The following CCSER1 variants were observed in gnomAD, a reference collection of about 807,000 sequenced individuals.
The protein encoded by CCSER1 is coiled-coil serine rich protein 1.
Under a neutral mutation model 82.0 loss-of-function variants are expected in CCSER1, and 41 were observed. That is an observed-to-expected ratio of 0.50 (90% CI 0.39 to 0.65). The LOEUF (loss-of-function observed/expected upper bound fraction) is 0.65. CCSER1 is among the 30% of genes least tolerant of loss of function. CCSER1 has a pLI of 0.00. For missense variants in CCSER1, 1,119 were observed against 1,064.2 expected (o/e 1.05, Z -0.72); for synonymous variants, 414 against 383.9 (o/e 1.08, Z -0.92).
intron 10 of CCSER1, among the ~76,000 whole-genome samples, chr4:91,231,532 T>G (rs953784060): frequency 6.6e-6 from 1 of 151,684 alleles, no homozygotes; most frequent in Non-Finnish European, 1.5e-5. Context: ...CACAGATGAC[T>G]TAAGAGTAGA....
chr4:91,564,791 A>G (rs1762807362), intron 10 of CCSER1, among the ~76,000 whole-genome samples: 1 of 151,968 alleles, frequency 6.6e-6, no homozygotes, highest in South Asian at 2.1e-4. Flanking sequence ...GACCTTCTTC[A>G]GAAGCATAGT....
At chr4:90,437,038 G>A (rs1338008718) in intron 4 of CCSER1, among the ~76,000 whole-genome samples, 3 of 151,956 alleles carry the variant, frequency 2.0e-5, no homozygotes, top group Admixed American at 2.0e-4. Context: ...AGCCAGGATG[G>A]TCTCAATCTC....
Position 91,377,084 on chromosome 4 carries a change from A to G in CCSER1, c.2218-221488A>G, listed in dbSNP as rs185772729. ...TCCCTACAAAGGACATGAACTCATC[A>G]TTTTTTATGGCTGCATAGTATTCCA... On this transcript the variant is annotated intron_variant, in intron 10 of 10. Transcript: ENST00000509176. 3.7e-3 allele frequency among the ~76,000 whole-genome samples: 568 copies of G among 152,054 alleles called. 6 individuals carry two copies. The highest frequency in any genetic ancestry group is 0.034 in the Middle Eastern group (10 of 294).
intron 10 of CCSER1, among the ~76,000 whole-genome samples, chr4:91,088,640 A>G (rs907474590): frequency 1.3e-5 from 2 of 152,214 alleles, no homozygotes; most frequent in African/African-American, 4.8e-5. Flanking sequence ...TTACATTTTT[A>G]TACGTGCATA....
At chr4:91,213,231 T>G (rs1736977698) in intron 10 of CCSER1, among the ~76,000 whole-genome samples, 1 of 152,122 alleles carries the variant, frequency 6.6e-6, no homozygotes, top group South Asian at 2.1e-4. Flanking sequence ...TCTCAACTTT[T>G]GATATGGATG....
intron 10 of CCSER1, among the ~76,000 whole-genome samples, chr4:91,267,306 TTTCTC>T (rs1741674213): frequency 6.6e-6 from 1 of 152,196 alleles, no homozygotes; most frequent in South Asian, 2.1e-4. Context: ...GGGGGGTTCT[TTTCTC>T]TGTCCTTTTT....
At chr4:91,295,434 G>T (rs1030218218) in intron 10 of CCSER1, among the ~76,000 whole-genome samples, 3 of 151,780 alleles carry the variant, frequency 2.0e-5, no homozygotes, top group Non-Finnish European at 4.4e-5. Flanking sequence ...ATACCATAAA[G>T]ATTTTGAGTA....
At position 90,341,284 on chromosome 4, in the gene CCSER1, T is replaced by A. The variant is rs555014073; in HGVS notation, c.1509+28237T>A. Among the ~76,000 whole-genome samples, 35 of 152,222 alleles carry A rather than the reference T, an allele frequency of 2.3e-4. No homozygotes were observed. In the South Asian group the frequency reaches 7.2e-3, roughly 31 times the overall value. ...TGAAGTGCTTAGCTCTGTGATCTTA[T>A]GAGAGTTTTATTATCTTCTTCCTAG... On this transcript the variant is annotated intron_variant, in intron 3 of 10. Coordinates refer to ENST00000509176, the MANE Select transcript of CCSER1 (RefSeq NM_001145065.2).
intron 10 of CCSER1, among the ~76,000 whole-genome samples, chr4:91,576,004 T>C (rs1217108358): frequency 2.0e-5 from 3 of 152,004 alleles, no homozygotes; most frequent in Admixed American, 6.6e-5. Flanking sequence ...CTTCTGGATA[T>C]ATACCCAAAG....
At chr4:90,491,079 G>A (rs1767935127) in intron 5 of CCSER1, among the ~76,000 whole-genome samples, 2 of 152,234 alleles carry the variant, frequency 1.3e-5, no homozygotes, top group South Asian at 4.2e-4. Context: ...TAGCTTGATG[G>A]GAATGCCATT....
At chr4:90,808,915 T>G (rs1453459745) in intron 7 of CCSER1, among the ~76,000 whole-genome samples, 1 of 152,154 alleles carries the variant, frequency 6.6e-6, no homozygotes, top group Non-Finnish European at 1.5e-5. Flanking sequence ...AAAGAAATCA[T>G]TATATCAAAA....
intron 6 of CCSER1, among the ~76,000 whole-genome samples, chr4:90,705,756 C>G (rs72875620): frequency 6.6e-6 from 1 of 152,100 alleles, no homozygotes; most frequent in African/African-American, 2.4e-5. Context: ...GCTCCATGGT[C>G]GTGGGACCCT....
intron 1 of CCSER1, among the ~76,000 whole-genome samples, chr4:90,239,569 A>T (rs1227958572): frequency 6.6e-6 from 1 of 152,202 alleles, no homozygotes; most frequent in East Asian, 1.9e-4. Flanking sequence ...TGGTACAATT[A>T]TGGTTCACTG....
chr4:90,483,826 T>C (rs1431853851), intron 5 of CCSER1, among the ~76,000 whole-genome samples: 1 of 152,206 alleles, frequency 6.6e-6, no homozygotes, highest in Non-Finnish European at 1.5e-5. Flanking sequence ...CATTTCAACA[T>C]TGGTGAATCT....
chr4:90,454,217 T>C (rs953291866), intron 4 of CCSER1, among the ~76,000 whole-genome samples: 6 of 151,732 alleles, frequency 4.0e-5, no homozygotes, highest in Non-Finnish European at 8.8e-5. Flanking sequence ...CTGCCTTTTC[T>C]TTTGTTTCAT....
chr4:90,302,087 G>C (rs1211913251), intron 1 of CCSER1, among the ~76,000 whole-genome samples: 1 of 152,134 alleles, frequency 6.6e-6, no homozygotes, highest in African/African-American at 2.4e-5. Context: ...ATTCATGGCA[G>C]TGAGACAGAA....
intron 5 of CCSER1, among the ~76,000 whole-genome samples, chr4:90,534,735 T>C (rs1775101276): frequency 6.6e-6 from 1 of 152,212 alleles, no homozygotes; most frequent in Non-Finnish European, 1.5e-5. Context: ...TATTAACTGG[T>C]CTACCAGTTG....
At chr4:91,262,015 C>T (rs1741226162) in intron 10 of CCSER1, among the ~76,000 whole-genome samples, 1 of 151,882 alleles carries the variant, frequency 6.6e-6, no homozygotes. Flanking sequence ...TCATAAGCTT[C>T]AATTTCCTGA....
chr4:90,472,191 C>T (rs1243132001), intron 5 of CCSER1, among the ~76,000 whole-genome samples: 6 of 152,192 alleles, frequency 3.9e-5, no homozygotes, highest in Admixed American at 1.3e-4. Flanking sequence ...TCATCTGATT[C>T]AGAACCCAGT....
Sources: allele counts gnomAD v4.1 joint callset (sites outside exome capture counted in the v4.1 genomes callset), GRCh38; gene constraint gnomAD v4.1.1; transcripts MANE v1.5; gene names NCBI Gene and HGNC (gene_info 2026-07-23, HGNC 2026-07-21).